DEPDC5: variants seen among roughly 807,000 people sequenced by gnomAD.
DEPDC5 encodes the protein GATOR1 complex protein DEPDC5.
Under a neutral mutation model 217.3 loss-of-function variants are expected in DEPDC5, and 73 were observed. The observed-to-expected ratio is 0.34, with a 90% CI of 0.28 to 0.41. The LOEUF (loss-of-function observed/expected upper bound fraction) is 0.41, where lower values mean the gene tolerates loss of function less well. Among genes scored for constraint, DEPDC5 ranks in the 10% least tolerant of loss-of-function variants. The pLI is 1.00. For missense variants in DEPDC5, 1,675 were observed against 2,070.1 expected (o/e 0.81, Z 3.70); for synonymous variants, 733 against 756.7 (o/e 0.97, Z 0.51).
intron 36 of DEPDC5, 78 bp from the exon 37 acceptor site, chr22:31,876,079 G>C: frequency 7.6e-7 from 1 of 1,320,336 alleles, no homozygotes; most frequent in Non-Finnish European, 1.1e-6. Flanking sequence ...TCACTCCCTT[G>C]TCTCCAGAGC....
At position 31,879,507 on chromosome 22, in the gene DEPDC5, C is replaced by A. The variant is rs374098750; in HGVS notation, c.3806-18C>A. 5 of 1,603,934 alleles carry A rather than the reference C, an allele frequency of 3.1e-6. No individual in the cohort carries two copies. The highest frequency in any genetic ancestry group is 4.2e-6 in the Non-Finnish European group (5 of 1,178,314). Reference sequence around the variant, plus strand: ...CATTTGTGTTGAGTACTCCTTCTCTCCCCTCCACTTTTCCCAGTGGCCATG... The same window carrying A: ...CATTTGTGTTGAGTACTCCTTCTCTACCCTCCACTTTTCCCAGTGGCCATG... On this transcript the variant is annotated intron_variant, in intron 37 of 42. Transcript: ENST00000651528.
chr22:31,754,400 TG>T (rs975072418), intron 1 of DEPDC5, among the ~76,000 whole-genome samples: 1 of 152,258 alleles, frequency 6.6e-6, no homozygotes, highest in Non-Finnish European at 1.5e-5. Context: ...TCTTTGTGGT[TG>T]CCTTGCTCAG....
At chr22:31,800,562 C>T (rs116962189) in intron 14 of DEPDC5, among the ~76,000 whole-genome samples, 2 of 152,070 alleles carry the variant, frequency 1.3e-5, no homozygotes, top group East Asian at 1.9e-4. Context: ...TTGACTTACT[C>T]GAACTGTGTT....
intron 10 of DEPDC5, among the ~76,000 whole-genome samples, chr22:31,790,058 GTATAT>G (rs2085444126): frequency 1.3e-5 from 2 of 152,142 alleles, no homozygotes; most frequent in Admixed American, 6.6e-5. Flanking sequence ...GTGTTTTCCT[GTATAT>G]CACTTGCACT....
At position 31,774,994 on chromosome 22, in the gene DEPDC5, G is replaced by A. The variant is rs567576164; in HGVS notation, c.414-3105G>A. On this transcript the variant is annotated intron_variant, in intron 7 of 42. Coordinates refer to ENST00000651528, the MANE Select transcript of DEPDC5 (RefSeq NM_001242896.3). ...TTGTGACACTTGTTCATTCACAGAC[G>A]TAACTGGGCAAAGGAGTATGAAAAA... 2.6e-5 allele frequency among the ~76,000 whole-genome samples: 4 copies of A among 152,178 alleles called. No individual in the cohort carries two copies. In the South Asian group the frequency reaches 8.3e-4, roughly 32 times the overall value.
Position 31,810,661 on chromosome 22 carries a change from T to C in DEPDC5, c.1445+20T>C, listed in dbSNP as rs778201094. The stretch of plus-strand genomic sequence containing the variant: ...CTGCAGGTTTTCTGCCAGATTCACT[T>C]GGGGGTGCATATAAAAATTGTGTAG... On this transcript the variant is annotated intron_variant, in intron 20 of 42. Coordinates refer to ENST00000651528, the MANE Select transcript of DEPDC5 (RefSeq NM_001242896.3). 5 of 1,613,148 alleles carry C rather than the reference T, an allele frequency of 3.1e-6. No individual in the cohort carries two copies. The highest frequency in any genetic ancestry group is 3.4e-6 in the Non-Finnish European group (4 of 1,179,748).
intron 27 of DEPDC5, among the ~76,000 whole-genome samples, chr22:31,842,780 A>G (rs546240255): frequency 2.6e-5 from 4 of 152,234 alleles, no homozygotes; most frequent in Non-Finnish European, 4.4e-5. Flanking sequence ...CATTTTAGTA[A>G]CACAGTCATC....
chr22:31,813,502 TA>T (rs917820660), intron 20 of DEPDC5, among the ~76,000 whole-genome samples: 1 of 152,044 alleles, frequency 6.6e-6, no homozygotes, highest in African/African-American at 2.4e-5. Context: ...AAGCTCTTAC[TA>T]AAAAAATCCT....
intron 10 of DEPDC5, among the ~76,000 whole-genome samples, chr22:31,790,502 G>A (rs2085489308): frequency 6.6e-6 from 1 of 152,200 alleles, no homozygotes; most frequent in Admixed American, 6.6e-5. Flanking sequence ...TTATACCGCT[G>A]AGTCCAGAGC....
At chr22:31,870,470 A>T in intron 33 of DEPDC5, 120 bp from the exon 34 acceptor site, 2 of 1,132,222 alleles carry the variant, frequency 1.8e-6, no homozygotes, top group South Asian at 2.2e-5. Flanking sequence ...GAAGGATTGC[A>T]TTAATTTTTG....
At chr22:31,819,894 A>G (rs887289280) in intron 22 of DEPDC5, among the ~76,000 whole-genome samples, 3 of 152,098 alleles carry the variant, frequency 2.0e-5, no homozygotes, top group African/African-American at 7.2e-5. Flanking sequence ...TGTCTTGGTT[A>G]CAAGGAGTTA....
chr22:31,828,760 C>G (rs16989532), intron 24 of DEPDC5, among the ~76,000 whole-genome samples: 3,461 of 152,294 alleles, frequency 0.023, 119 homozygotes, highest in African/African-American at 0.073. Context: ...GTATTGAACT[C>G]TAGGCACTGT....
intron 24 of DEPDC5, among the ~76,000 whole-genome samples, chr22:31,823,839 T>C (rs2089928232): frequency 6.6e-6 from 1 of 152,160 alleles, no homozygotes; most frequent in Admixed American, 6.5e-5. Context: ...GTATCCTGAC[T>C]CAGGCTGCTG....
At chr22:31,868,509 C>A (rs1569154864) in intron 33 of DEPDC5, among the ~76,000 whole-genome samples, 1 of 152,184 alleles carries the variant, frequency 6.6e-6, no homozygotes, top group Non-Finnish European at 1.5e-5. Context: ...CTCACAGCAA[C>A]CTCCGCTTCC....
chr22:31,901,072 G>A (rs943623006), intron 40 of DEPDC5, among the ~76,000 whole-genome samples: 5 of 151,836 alleles, frequency 3.3e-5, no homozygotes, highest in South Asian at 2.1e-4. Context: ...GTAAAACCCC[G>A]TCTCTACTTA....
chr22:31,789,144 A>AC (rs1216734327), intron 10 of DEPDC5, among the ~76,000 whole-genome samples: 2 of 151,694 alleles, frequency 1.3e-5, no homozygotes, highest in African/African-American at 4.8e-5. Flanking sequence ...TGATCTCCCC[A>AC]CCTTGGCCTC....
At position 31,797,592 on chromosome 22, in the gene DEPDC5, CTT is replaced by C. The variant is rs1244483025; in HGVS notation, c.768-5_768-4del. 11 of 1,609,260 alleles carry C rather than the reference CTT, an allele frequency of 6.8e-6. No homozygotes were observed. Among genetic ancestry groups the C allele is most frequent in the Non-Finnish European group, 9.4e-6 (11 of 1,175,722 alleles). On this transcript the variant is annotated splice_polypyrimidine_tract_variant and splice_region_variant and intron_variant, in intron 12 of 42. Transcript: ENST00000651528. ...TCAATATCCATTTTATGATAATACT[CTT>C]TTCAGAGTGGTGGTGCAGAATGAGA...
rs2083053231 is a variant in DEPDC5, at chr22:31,768,794, C to T, written c.364-20C>T. On this transcript the variant is annotated intron_variant, in intron 6 of 42. Coordinates refer to ENST00000651528, the MANE Select transcript of DEPDC5 (RefSeq NM_001242896.3). ...TCTCCCTCCCTCCCTCTCTCTACCC[C>T]TCTCTCCCCCTCCTCTTAGGTCAGC... 6.2e-7 allele frequency: 1 copy of T among 1,609,646 alleles called. No homozygotes were observed. The highest frequency in any genetic ancestry group is 8.5e-7 in the Non-Finnish European group (1 of 1,176,882).
intron 40 of DEPDC5, 123 bp downstream of exon 40, chr22:31,897,776 C>A: frequency 2.6e-6 from 3 of 1,146,700 alleles, no homozygotes; most frequent in Non-Finnish European, 2.4e-6. Context: ...AACAAGGGGC[C>A]AAAAGGATCA....
Sources: gnomAD v4.1 joint callset for allele counts (sites outside exome capture counted in the v4.1 genomes callset) on GRCh38, gnomAD v4.1.1 for gene constraint, MANE v1.5 for transcripts, NCBI Gene and HGNC (gene_info 2026-07-23, HGNC 2026-07-21) for gene names.